TBC1D10B: variants seen among roughly 807,000 people sequenced by gnomAD.
TBC1D10B encodes the protein Rab27A-GAPbeta.
A neutral mutation model predicts 78.4 loss-of-function variants in TBC1D10B; 25 were observed. That is an observed-to-expected ratio of 0.32 (90% CI 0.23 to 0.45). TBC1D10B has a LOEUF of 0.45. Among genes scored for constraint, TBC1D10B ranks in the 20% least tolerant of loss-of-function variants. TBC1D10B has a pLI of 1.00. For synonymous variants in TBC1D10B, 517 were observed against 478.0 expected (o/e 1.08, Z -1.06); for missense variants, 996 against 1,104.8 (o/e 0.90, Z 1.40).
Position 30,359,848 on chromosome 16 carries a change from G to C in TBC1D10B, c.1272-7C>G. ...TCGGTACAGGTCCTGTTGCCTGTGG[G>C]GGTTGGGGAAGACTGTGAGGGCAGT... On this transcript the variant is annotated splice_region_variant and splice_polypyrimidine_tract_variant and intron_variant, in intron 4 of 8. Coordinates refer to ENST00000409939, the MANE Select transcript of TBC1D10B (RefSeq NM_015527.4). 1 of 1,555,364 alleles carries C rather than the reference G, an allele frequency of 6.4e-7. No homozygotes were observed. Among genetic ancestry groups the C allele is most frequent in the Non-Finnish European group, 8.7e-7 (1 of 1,148,952 alleles).
chr16:30,359,741 G>A lies in TBC1D10B; in HGVS notation c.1372C>T (p.His458Tyr). The A allele has an allele frequency of 6.3e-7, 1 of 1,585,132 alleles. No individual in the cohort carries two copies. The highest frequency in any genetic ancestry group is 2.3e-5 in the East Asian group (1 of 43,340). The change falls in exon 5 of 9, where the codon CAC becomes TAC. Residue 458 changes from histidine to tyrosine, a missense_variant. By Grantham distance (83) the His-to-Tyr change is moderately conservative. Coordinates refer to ENST00000409939, the MANE Select transcript of TBC1D10B (RefSeq NM_015527.4). ...AGGGCGCTGACCTCCGCAGGCATGTGCATGAGCAGGACCGCAGCCACGGGG... is the reference window on the plus strand; with the variant it reads ...AGGGCGCTGACCTCCGCAGGCATGTACATGAGCAGGACCGCAGCCACGGGG... ...QAPVAAVLLM[H>Y]MPAEQAFWCL...
Position 30,364,986 on chromosome 16 carries a change from C to T in TBC1D10B, c.1185G>A (p.Gly395=). Residue 395 remains glycine, a synonymous_variant, in exon 4 of 9, where the codon GGG becomes GGA. Coordinates refer to ENST00000409939, the MANE Select transcript of TBC1D10B (RefSeq NM_015527.4). ...CAATCACATCCAGCCACTTGGGGTC[C>T]CCAGGAGCCCGTTCCAGCTCCTGCA... ...GKFEELERAP[G]DPKWLDVIEK... is the part of the protein sequence containing the mutation. 6.2e-7 allele frequency: 1 copy of T among 1,613,336 alleles called. No homozygotes were observed. The highest frequency in any genetic ancestry group is 8.5e-7 in the Non-Finnish European group (1 of 1,179,630).
Position 30,365,747 on chromosome 16 carries a change from T to A in TBC1D10B, c.957-153A>T. ...ATCAGGATGTCTGGCCACTTGGGCA[T>A]CCCAAGGCACACTGAAAGGGCTTCC... On this transcript the variant is annotated intron_variant, in intron 1 of 8. Coordinates refer to ENST00000409939, the MANE Select transcript of TBC1D10B (RefSeq NM_015527.4). The surrounding 1 kb of genome is among the most constrained non-coding windows in gnomAD (Gnocchi z 5.0). The A allele has an allele frequency of 1.5e-6, 1 of 669,134 alleles. No homozygotes were observed. The highest frequency in any genetic ancestry group is 2.8e-5 in the East Asian group (1 of 36,282). 41.4% of individuals were successfully genotyped at this position (669,134 alleles called of 1,614,324 possible).
chr16:30,359,875 A>C, intron 4 of TBC1D10B, 34 bp from the exon 5 acceptor site: 1 of 1,524,782 alleles, frequency 6.6e-7, no homozygotes, highest in Non-Finnish European at 8.9e-7. Flanking sequence ...GAGGGCAGTC[A>C]CGGGCTGAGA....
intron 4 of TBC1D10B, among the ~76,000 whole-genome samples, chr16:30,362,181 C>CA (rs1445698996): frequency 1.3e-5 from 2 of 151,824 alleles, no homozygotes; most frequent in African/African-American, 4.8e-5. Flanking sequence ...GACGGGGTTT[C>CA]ACCATGTTGG....
chr16:30,358,580 A>G lies in TBC1D10B; in HGVS notation c.1798-7T>C. ...TCACCGGCAGATTGGTCACCTGCAC[A>G]GAGAGGAAATGCGTACCAGAATGGA... is the stretch of plus-strand genomic sequence containing the variant. On this transcript the variant is annotated splice_polypyrimidine_tract_variant and splice_region_variant and intron_variant, in intron 8 of 8. Coordinates refer to ENST00000409939, the MANE Select transcript of TBC1D10B (RefSeq NM_015527.4). The G allele has an allele frequency of 6.3e-7, 1 of 1,596,126 alleles. No homozygotes were observed. The highest frequency in any genetic ancestry group is 1.7e-4 in the Middle Eastern group (1 of 5,996).
At chr16:30,359,028 T>A (rs764540989) in intron 7 of TBC1D10B, 144 bp downstream of exon 7, 20 of 1,259,438 alleles carry the variant, frequency 1.6e-5, no homozygotes, top group Non-Finnish European at 2.1e-5. Flanking sequence ...AAATCAGGCC[T>A]GTTTCTCCAG....
At position 30,369,553 on chromosome 16, in the gene TBC1D10B, C is replaced by T; in HGVS notation, c.631G>A (p.Glu211Lys). 1 of 1,543,110 alleles carries T rather than the reference C, an allele frequency of 6.5e-7. No individual in the cohort carries two copies. Among genetic ancestry groups the T allele is most frequent in the Non-Finnish European group, 8.7e-7 (1 of 1,143,070 alleles). The change falls in exon 1 of 9, where the codon GAG becomes AAG. Residue 211 changes from glutamate (E) to lysine (K), a missense_variant. By Grantham distance (56) the Glu-to-Lys change is moderately conservative. Transcript: ENST00000409939. This position sits in a 1 kb window ranked among gnomAD's most constrained non-coding sequence, Gnocchi z 4.3. Reference protein sequence around the residue: ...ATSASAGQAPEDPSGPGTGPS... With the variant: ...ATSASAGQAPKDPSGPGTGPS... The stretch of plus-strand genomic sequence containing the variant: ...CCTGTGCCAGGGCCTGAGGGGTCCT[C>T]AGGAGCCTGTCCTGCTGATGCTGAT...
rs768221049 is a variant in TBC1D10B, at chr16:30,358,321, G to A, written c.2050C>T (p.Arg684Cys). 14 of 1,575,294 alleles carry A rather than the reference G, an allele frequency of 8.9e-6. No homozygotes were observed. The highest frequency in any genetic ancestry group is 2.7e-5 in the African/African-American group (2 of 74,054). Residue 684 changes from arginine (R) to cysteine (C), a missense_variant, in exon 9 of 9, where the codon CGC becomes TGC. Around this residue, in one of 5 missense-constraint regions of TBC1D10B, gnomAD observed 285 missense variants for 252.5 expected, o/e 1.13. Transcript: ENST00000409939. ...GGGGCAGGCCCAGCACTGGCTCTGCGGACGGGGGGCGGCGGGGACGGGGCC... is the reference window on the plus strand; with the variant it reads ...GGGGCAGGCCCAGCACTGGCTCTGCAGACGGGGGGCGGCGGGGACGGGGCC... Reference protein sequence around the residue: ...GGAPSPPPPVRRASAGPAPGP... With the variant: ...GGAPSPPPPVCRASAGPAPGP...
intron 4 of TBC1D10B, among the ~76,000 whole-genome samples, chr16:30,361,206 A>C (rs1005811277): frequency 2.0e-5 from 3 of 152,084 alleles, no homozygotes; most frequent in Non-Finnish European, 2.9e-5. Context: ...AATCACTTGA[A>C]TCTGGGAATC....
intron 6 of TBC1D10B, 88 bp downstream of exon 6, chr16:30,359,450 G>A (rs1394773985): frequency 1.3e-6 from 2 of 1,546,664 alleles, no homozygotes; most frequent in African/African-American, 1.4e-5. Context: ...CAGAAGCCGG[G>A]AAGGCCAGGG....
chr16:30,363,760 G>A (rs1321721598), intron 4 of TBC1D10B, among the ~76,000 whole-genome samples: 2 of 152,216 alleles, frequency 1.3e-5, no homozygotes, highest in South Asian at 2.1e-4. Context: ...TTTGTGACTA[G>A]ACAGTGCCTG....
chr16:30,361,010 C>T (rs1417570589), intron 4 of TBC1D10B, among the ~76,000 whole-genome samples: 1 of 152,140 alleles, frequency 6.6e-6, no homozygotes, highest in Admixed American at 6.5e-5. Flanking sequence ...CTTCACCAGG[C>T]GCAGTAGCTC....
Position 30,369,977 on chromosome 16 carries a change from G to A in TBC1D10B, c.207C>T (p.Thr69=). The change falls in exon 1 of 9, where the codon ACC becomes ACT. Residue 69 remains threonine (T), a synonymous_variant. Coordinates refer to ENST00000409939, the MANE Select transcript of TBC1D10B (RefSeq NM_015527.4). This position sits in a 1 kb window ranked among gnomAD's most constrained non-coding sequence, Gnocchi z 4.3. ...GGGCTGGGGCCGGGGCCGGAGCAGA[G>A]GTCTCGGCCGACCCCGGGACCCAGG... ...RPAWVPGSAE[T]SAPAPAPAPA... The A allele has an allele frequency of 8.0e-6, 10 of 1,250,428 alleles. No homozygotes were observed. Among genetic ancestry groups the A allele is most frequent in the Non-Finnish European group, 1.0e-5 (10 of 998,552 alleles). The allele number at this position is 1,250,428 out of a possible 1,614,324, so 77.5% of individuals were successfully genotyped here. A position where few individuals can be genotyped will look rare whatever the true frequency, so the allele number is the denominator to read the frequency against.
At position 30,357,582 on chromosome 16, in the gene TBC1D10B, T is replaced by C. The variant is rs2049561605; in HGVS notation, c.*362A>G. On this transcript the variant is annotated 3_prime_UTR_variant, in exon 9 of 9. Transcript: ENST00000409939. The stretch of plus-strand genomic sequence containing the variant: ...GGAAAAGGAAGCCAGCTCCACCTCA[T>C]GGTAAGGGGAGCTATGGAGTGTAAG... 1 of 274,248 alleles carries C rather than the reference T, an allele frequency of 3.6e-6. No homozygotes were observed. Among genetic ancestry groups the C allele is most frequent in the African/African-American group, 2.1e-5 (1 of 46,588 alleles). 17.0% of individuals were successfully genotyped at this position (274,248 alleles called of 1,614,324 possible). A position where few individuals can be genotyped will look rare whatever the true frequency, so the allele number is the denominator to read the frequency against.
chr16:30,358,432 G>T lies in TBC1D10B; in HGVS notation c.1939C>A (p.Arg647=). Residue 647 remains arginine (R), a synonymous_variant, in exon 9 of 9, where the codon CGG becomes AGG. Transcript: ENST00000409939. The part of the protein sequence containing the change: ...HGSRAIHEER[R]RQQPPLGPSS... Reference sequence around the variant, plus strand: ...GGGCCCAGGGGTGGCTGTTGCCGCCGGCGCTCCTCGTGGATGGCCCGGGAC... The same window carrying T: ...GGGCCCAGGGGTGGCTGTTGCCGCCTGCGCTCCTCGTGGATGGCCCGGGAC... The T allele has an allele frequency of 6.3e-7, 1 of 1,585,290 alleles. No individual in the cohort carries two copies. The highest frequency in any genetic ancestry group is 1.8e-5 in the Admixed American group (1 of 55,840).
In TBC1D10B at chr16:30,365,478, C is replaced by T; in HGVS notation, c.1056+17G>A. Reference sequence around the variant, plus strand: ...CCCAACTTGTGCATTGCCCTGCCCACCATTCAGCCCTCAAACCTTCTGGAA... The same window carrying T: ...CCCAACTTGTGCATTGCCCTGCCCATCATTCAGCCCTCAAACCTTCTGGAA... On this transcript the variant is annotated intron_variant, in intron 2 of 8. Transcript: ENST00000409939. The surrounding 1 kb of genome is among the most constrained non-coding windows in gnomAD (Gnocchi z 5.0). 1 of 1,613,700 alleles carries T rather than the reference C, an allele frequency of 6.2e-7. No homozygotes were observed.
Position 30,369,401 on chromosome 16 carries a change from CCCT to C in TBC1D10B, c.780_782del (p.Gly261del). Reference sequence around the variant, plus strand: ...AGTAACTCAGCGTGTCCGGGGCCTGCCCTCGAGGCCCAGAGATGCCAGGTCCCA... The same window carrying C: ...AGTAACTCAGCGTGTCCGGGGCCTGCCGAGGCCCAGAGATGCCAGGTCCCA... On this transcript the variant is annotated inframe_deletion, in exon 1 of 9. Coordinates refer to ENST00000409939, the MANE Select transcript of TBC1D10B (RefSeq NM_015527.4). The surrounding 1 kb of genome is among the most constrained non-coding windows in gnomAD (Gnocchi z 4.3). 1 of 1,582,344 alleles carries C rather than the reference CCCT, an allele frequency of 6.3e-7. No individual in the cohort carries two copies. Among genetic ancestry groups the C allele is most frequent in the Non-Finnish European group, 8.6e-7 (1 of 1,164,438 alleles).
chr16:30,365,141 G>A lies in TBC1D10B; in HGVS notation c.1128C>T (p.Ser376=). 1 of 1,614,038 alleles carries A rather than the reference G, an allele frequency of 6.2e-7. No homozygotes were observed. The highest frequency in any genetic ancestry group is 8.5e-7 in the Non-Finnish European group (1 of 1,179,894). The change falls in exon 3 of 9, where the codon AGC becomes AGT. Residue 376 remains serine (S), a synonymous_variant. Transcript: ENST00000409939. This position sits in a 1 kb window ranked among gnomAD's most constrained non-coding sequence, Gnocchi z 5.0. ...RAKAWQYLSN[S]KELLEQNPGK... ...CTGGGTTCTGCTCCAGAAGTTCCTT[G>A]CTATTAGACAGGTACTGCCAGGCTT...
Sources: allele counts gnomAD v4.1 joint callset (sites outside exome capture counted in the v4.1 genomes callset), GRCh38; gene constraint gnomAD v4.1.1; regional missense constraint gnomAD v4.1.1; non-coding constraint Gnocchi (gnomAD v3.1); transcripts MANE v1.5; gene names NCBI Gene and HGNC (gene_info 2026-07-23, HGNC 2026-07-21).